The following ACTG2 variants were observed in gnomAD, a reference collection of about 807,000 sequenced individuals.
ACTG2 encodes the protein actin gamma 2, smooth muscle, also known as actin, gamma-enteric smooth muscle.
In ACTG2, 16 loss-of-function variants were observed where a neutral mutation model predicts 37.6. The observed-to-expected ratio is 0.43, with a 90% CI of 0.29 to 0.65. The LOEUF is 0.65. Among genes scored for constraint, ACTG2 ranks in the 30% least tolerant of loss-of-function variants. The pLI, the probability that ACTG2 is intolerant of heterozygous loss-of-function variation, is 0.18. For synonymous variants in ACTG2, 181 were observed against 179.9 expected (o/e 1.01, Z -0.05); for missense variants, 238 against 490.9 (o/e 0.48, Z 4.87).
intron 5 of ACTG2, among the ~76,000 whole-genome samples, chr2:73,912,923 T>A (rs1305153228): frequency 6.6e-6 from 1 of 152,198 alleles, no homozygotes; most frequent in Non-Finnish European, 1.5e-5. Context: ...ATCCCAGCAC[T>A]TTGGGAGGCC....
chr2:73,902,854 G>A, intron 3 of ACTG2: 2 of 1,337,730 alleles, frequency 1.5e-6, no homozygotes, highest in South Asian at 2.9e-5. Flanking sequence ...TCTTGGCATT[G>A]GAGGACCTTT....
At chr2:73,908,895 A>G (rs1182722704) in intron 4 of ACTG2, 112 bp downstream of exon 4, 3 of 1,217,636 alleles carry the variant, frequency 2.5e-6, no homozygotes, top group East Asian at 2.4e-5. Context: ...AGGACCTGCT[A>G]TGTCTGTGGT....
chr2:73,895,547 CACTT>C (rs1679728600), intron 1 of ACTG2, among the ~76,000 whole-genome samples: 1 of 152,194 alleles, frequency 6.6e-6, no homozygotes, highest in Admixed American at 6.5e-5. Context: ...GCTTACATGT[CACTT>C]GAAGCTCTCA....
chr2:73,912,194 G>A (rs1037352387), intron 5 of ACTG2, among the ~76,000 whole-genome samples: 3 of 152,204 alleles, frequency 2.0e-5, no homozygotes, highest in African/African-American at 7.2e-5. Context: ...GTTTCGCTCT[G>A]TTGCCAAGAC....
At chr2:73,904,777 G>A (rs374220717) in intron 3 of ACTG2, among the ~76,000 whole-genome samples, 1,268 of 42,050 alleles carry the variant, frequency 0.03, 14 homozygotes, top group East Asian at 0.061. Context: ...GTGTGTGTGT[G>A]TATATATATA....
At chr2:73,916,104 G>C (rs1445635632) in intron 7 of ACTG2, among the ~76,000 whole-genome samples, 1 of 152,152 alleles carries the variant, frequency 6.6e-6, no homozygotes, top group Non-Finnish European at 1.5e-5. Context: ...CAGGCCGGGT[G>C]TAATACCTCG....
rs1679880384 is a variant in ACTG2 at position 73,901,570 on chromosome 2, G to GTGTGTGTGTGTGTC, written c.126+144_126+145insGTCTGTGTGTGTGT. On this transcript the variant is annotated intron_variant, in intron 2 of 8. Coordinates refer to ENST00000345517, the MANE Select transcript of ACTG2 (RefSeq NM_001615.4). Reference sequence around the variant, plus strand: ...TGTGTGTGTGTGTGTGTGTGTGTGTGTGTGTGTGTGTCTGTGCGTGTGTGT... The same window carrying GTGTGTGTGTGTGTC: ...TGTGTGTGTGTGTGTGTGTGTGTGTGTGTGTGTGTGTGTCTGTGTGTGTGTCTGTGCGTGTGTGT... 4 of 97,210 alleles carry GTGTGTGTGTGTGTC rather than the reference G, an allele frequency of 4.1e-5. No individual in the cohort carries two copies. In the African/African-American group the frequency reaches 4.7e-4, roughly 12 times the overall value. 6.0% of individuals were successfully genotyped at this position (97,210 alleles called of 1,614,324 possible). A position where few individuals can be genotyped will look rare whatever the true frequency, so the allele number is the denominator to read the frequency against.
In ACTG2 at chr2:73,919,601, CCCT is replaced by C. The variant is rs1293440394; in HGVS notation, c.*28_*30del. The C allele has an allele frequency of 1.2e-6, 2 of 1,609,578 alleles. No individual in the cohort carries two copies. Among genetic ancestry groups the C allele is most frequent in the African/African-American group, 2.7e-5 (2 of 74,742 alleles). ...AGTCAGAACAGGTTCTCCAAGGATCCCCTCGAGACTACTCTGTTACCAGTCATG... is the reference window on the plus strand; with the variant it reads ...AGTCAGAACAGGTTCTCCAAGGATCCCGAGACTACTCTGTTACCAGTCATG... On this transcript the variant is annotated 3_prime_UTR_variant, in exon 9 of 9. Coordinates refer to ENST00000345517, the MANE Select transcript of ACTG2 (RefSeq NM_001615.4).
chr2:73,898,210 G>C (rs909613037), intron 1 of ACTG2, among the ~76,000 whole-genome samples: 1 of 147,946 alleles, frequency 6.8e-6, no homozygotes, highest in Admixed American at 6.9e-5. Context: ...AGTGACGAAG[G>C]CACATCTCAG....
At chr2:73,916,843 T>A in intron 8 of ACTG2, 78 bp downstream of exon 8, 1 of 1,508,080 alleles carries the variant, frequency 6.6e-7, no homozygotes, top group Non-Finnish European at 9.0e-7. Context: ...GGAGGCAGAC[T>A]GCCAGACCTG....
At chr2:73,911,738 C>T (rs1334223233) in intron 5 of ACTG2, among the ~76,000 whole-genome samples, 1 of 152,190 alleles carries the variant, frequency 6.6e-6, no homozygotes, top group Admixed American at 6.5e-5. Flanking sequence ...TATTATGGCA[C>T]CACCATTGTG....
At chr2:73,914,081 GA>G (rs1470378927) in intron 6 of ACTG2, among the ~76,000 whole-genome samples, 1 of 152,172 alleles carries the variant, frequency 6.6e-6, no homozygotes, top group Non-Finnish European at 1.5e-5. Context: ...GTCTAGACCA[GA>G]AATATGTCCT....
At chr2:73,893,720 T>A (rs974763222) in intron 1 of ACTG2, among the ~76,000 whole-genome samples, 1 of 152,098 alleles carries the variant, frequency 6.6e-6, no homozygotes, top group Non-Finnish European at 1.5e-5. Context: ...GATGAGGACA[T>A]TGAGGCCTAG....
At chr2:73,898,872 G>T (rs188070551) in intron 1 of ACTG2, among the ~76,000 whole-genome samples, 417 of 133,560 alleles carry the variant, frequency 3.1e-3, no homozygotes, top group African/African-American at 0.011. Context: ...GCTCGATCTT[G>T]GCTCACTGCA....
chr2:73,910,533 C>T (rs1397374417), intron 5 of ACTG2, among the ~76,000 whole-genome samples: 2 of 136,812 alleles, frequency 1.5e-5, no homozygotes, highest in Non-Finnish European at 3.1e-5. Flanking sequence ...AAGTCTCACT[C>T]TGTCACCCAG....
At chr2:73,914,209 G>A (rs1401144955) in intron 6 of ACTG2, among the ~76,000 whole-genome samples, 5 of 152,148 alleles carry the variant, frequency 3.3e-5, no homozygotes, top group Non-Finnish European at 5.9e-5. Context: ...AAGATTGAAT[G>A]GAGTGACGCT....
Position 73,916,587 on chromosome 2 carries a change from T to C in ACTG2, c.809T>C (p.Met270Thr). The C allele has an allele frequency of 6.2e-7, 1 of 1,612,502 alleles. No individual in the cohort carries two copies. Residue 270 changes from methionine (M) to threonine (T), a missense_variant, in exon 8 of 9, where the codon ATG becomes ACG. Met to Thr is a moderately conservative substitution (Grantham distance 81, BLOSUM62 -1). Coordinates refer to ENST00000345517, the MANE Select transcript of ACTG2 (RefSeq NM_001615.4). ...CAGACACTGTGATCTCCACTAGGCATGGAGTCCGCTGGAATTCATGAGACA... is the reference window on the plus strand; with the variant it reads ...CAGACACTGTGATCTCCACTAGGCACGGAGTCCGCTGGAATTCATGAGACA... ...ETLFQPSFIG[M>T]ESAGIHETTY...
Position 73,913,495 on chromosome 2 carries a change from G to A in ACTG2, c.462G>A (p.Leu154=), listed in dbSNP as rs1026983966. Residue 154 remains leucine (L), a synonymous_variant, in exon 6 of 9, where the codon CTG becomes CTA. Transcript: ENST00000345517. Reference sequence around the variant, plus strand: ...CCTCTCTGTCCACAGGCATCGTCCTGGATTCAGGTGATGGCGTCACCCACA... The same window carrying A: ...CCTCTCTGTCCACAGGCATCGTCCTAGATTCAGGTGATGGCGTCACCCACA... The part of the protein sequence containing the change: ...YASGRTTGIV[L]DSGDGVTHNV... 6.8e-6 allele frequency: 11 copies of A among 1,608,282 alleles called. No individual in the cohort carries two copies. Among genetic ancestry groups the A allele is most frequent in the Non-Finnish European group, 9.4e-6 (11 of 1,175,934 alleles).
At chr2:73,917,860 G>A (rs1214899208) in intron 8 of ACTG2, among the ~76,000 whole-genome samples, 1 of 152,100 alleles carries the variant, frequency 6.6e-6, no homozygotes, top group Non-Finnish European at 1.5e-5. Context: ...GCTGTGCCAG[G>A]CCTGGGGCAG....
Sources: allele counts gnomAD v4.1 joint callset (sites outside exome capture counted in the v4.1 genomes callset), GRCh38; gene constraint gnomAD v4.1.1; transcripts MANE v1.5; gene names NCBI Gene and HGNC (gene_info 2026-07-23, HGNC 2026-07-21).